The following STAG1 variants were observed in gnomAD, a reference collection of about 807,000 sequenced individuals.
The protein encoded by STAG1 is STAG1 cohesin complex component, also known as cohesin subunit SA-1.
In STAG1, 26 loss-of-function variants were observed where a neutral mutation model predicts 170.9. That is an observed-to-expected ratio of 0.15 (90% CI 0.11 to 0.21). The LOEUF (loss-of-function observed/expected upper bound fraction) is 0.21, where lower values mean the gene tolerates loss of function less well. Ranked by LOEUF, STAG1 falls within the 10% of genes least tolerant of loss-of-function variation. The pLI is 1.00. For synonymous variants in STAG1, 514 were observed against 497.7 expected, an observed-to-expected ratio of 1.03 and a Z score of -0.44; for missense variants, 964 against 1,509.5, an observed-to-expected ratio of 0.64 and a Z score of 5.99.
At chr3:136,433,147 C>T (rs2088359130) in intron 16 of STAG1, among the ~76,000 whole-genome samples, 1 of 151,998 alleles carries the variant, frequency 6.6e-6, no homozygotes, top group Non-Finnish European at 1.5e-5. Flanking sequence ...ATATAAATAC[C>T]TGTATTACTA....
intron 1 of STAG1, among the ~76,000 whole-genome samples, chr3:136,746,968 T>C (rs933042475): frequency 1.3e-5 from 2 of 151,832 alleles, no homozygotes; most frequent in African/African-American, 4.8e-5. Flanking sequence ...TGGTGGCACA[T>C]GCCTGTAATC....
intron 4 of STAG1, among the ~76,000 whole-genome samples, chr3:136,573,815 C>T (rs1026409887): frequency 2.0e-5 from 3 of 151,794 alleles, no homozygotes; most frequent in African/African-American, 4.8e-5. Flanking sequence ...TATTAAAATA[C>T]AAAAAATTAG....
intron 9 of STAG1, chr3:136,500,012 A>G (rs1933384796): frequency 2.3e-6 from 1 of 442,078 alleles, no homozygotes; most frequent in South Asian, 2.5e-5. Flanking sequence ...CCAACAGCAT[A>G]TGTTCTGAAT....
At chr3:136,668,237 A>G (rs1941860013) in intron 1 of STAG1, among the ~76,000 whole-genome samples, 1 of 147,978 alleles carries the variant, frequency 6.8e-6, no homozygotes, top group Non-Finnish European at 1.5e-5. Flanking sequence ...TGTCTCAAAT[A>G]TATATATATA....
At chr3:136,407,567 T>A (rs2087518319) in intron 21 of STAG1, among the ~76,000 whole-genome samples, 1 of 151,612 alleles carries the variant, frequency 6.6e-6, no homozygotes, top group Non-Finnish European at 1.5e-5. Context: ...GTTCAAGTCA[T>A]TCTCATGCCT....
chr3:136,611,685 T>TGG (rs1418995548), intron 3 of STAG1, among the ~76,000 whole-genome samples: 5 of 120,562 alleles, frequency 4.1e-5, no homozygotes, highest in Non-Finnish European at 3.6e-5. Context: ...TTTTTTTTTT[T>TGG]GGTACAGATG....
chr3:136,609,386 T>C (rs1447352356), intron 3 of STAG1: 1 of 148,416 alleles, frequency 6.7e-6, no homozygotes, highest in Non-Finnish European at 1.5e-5. Context: ...TATTTGTATA[T>C]AAATTTGTAT....
chr3:136,421,023 G>C, intron 20 of STAG1, 70 bp downstream of exon 20: 1 of 882,360 alleles, frequency 1.1e-6, no homozygotes, highest in Non-Finnish European at 1.7e-6. Context: ...TGCCCATCTC[G>C]GCCTCTCAAA....
chr3:136,722,660 T>C (rs1221404060), intron 1 of STAG1, among the ~76,000 whole-genome samples: 8 of 110,550 alleles, frequency 7.2e-5, no homozygotes, highest in Admixed American at 1.9e-4. Flanking sequence ...CCCCTCTCCC[T>C]TCTCCCCTCT....
rs1437515134 is a variant in STAG1, at chr3:136,521,481, T to C, written c.472-64A>G. 4.8e-6 allele frequency: 7 copies of C among 1,467,360 alleles called. No individual in the cohort carries two copies. In the East Asian group the frequency reaches 6.9e-5, roughly 14 times the overall value. 90.9% of individuals were successfully genotyped at this position (1,467,360 alleles called of 1,614,324 possible). ...TACAGAGTTTGATGAAAGCTTTTTTTTTCTTCCTACCTACATAGGAACCCT... is the reference window on the plus strand; with the variant it reads ...TACAGAGTTTGATGAAAGCTTTTTTCTTCTTCCTACCTACATAGGAACCCT... On this transcript the variant is annotated intron_variant, in intron 6 of 33. Coordinates refer to ENST00000383202, the MANE Select transcript of STAG1 (RefSeq NM_005862.3).
chr3:136,583,412 A>C (rs971964120), intron 4 of STAG1, among the ~76,000 whole-genome samples: 10 of 152,310 alleles, frequency 6.6e-5, no homozygotes, highest in Admixed American at 1.3e-4. Context: ...GAATTTTTTT[A>C]ATGTTATCAT....
intron 14 of STAG1, among the ~76,000 whole-genome samples, 184 bp downstream of exon 14, chr3:136,451,849 T>C (rs2088951891): frequency 6.6e-6 from 1 of 152,134 alleles, no homozygotes; most frequent in Non-Finnish European, 1.5e-5. Flanking sequence ...GATCCACACC[T>C]ACATATATAT....
intron 22 of STAG1, among the ~76,000 whole-genome samples, chr3:136,393,856 A>G (rs193253307): frequency 1.3e-5 from 2 of 152,290 alleles, no homozygotes; most frequent in Admixed American, 6.5e-5. Flanking sequence ...TTGGCCTCCC[A>G]AAGTGCTAGG....
At chr3:136,339,799 A>C (rs1326706476) in intron 32 of STAG1, among the ~76,000 whole-genome samples, 4 of 152,222 alleles carry the variant, frequency 2.6e-5, no homozygotes, top group Non-Finnish European at 5.9e-5. Flanking sequence ...TGAAGAAATA[A>C]GTTCTTAGTA....
intron 24 of STAG1, among the ~76,000 whole-genome samples, chr3:136,368,276 T>C (rs1204424523): frequency 6.6e-6 from 1 of 152,198 alleles, no homozygotes; most frequent in Non-Finnish European, 1.5e-5. Context: ...AGAGCTTAAA[T>C]AATCTATTTC....
intron 6 of STAG1, among the ~76,000 whole-genome samples, chr3:136,524,939 T>C (rs1559858556): frequency 6.6e-6 from 1 of 152,228 alleles, no homozygotes; most frequent in Non-Finnish European, 1.5e-5. Flanking sequence ...ATCCCAGGGA[T>C]GAAGCCCACT....
At chr3:136,515,273 G>C (rs796783404) in intron 7 of STAG1, among the ~76,000 whole-genome samples, 21 of 152,250 alleles carry the variant, frequency 1.4e-4, no homozygotes, top group African/African-American at 5.1e-4. Flanking sequence ...GCTGAGGCAA[G>C]AGAATCACTT....
chr3:136,405,726 G>C (rs2087461875), intron 21 of STAG1, among the ~76,000 whole-genome samples: 1 of 139,800 alleles, frequency 7.2e-6, no homozygotes, highest in African/African-American at 2.7e-5. Flanking sequence ...TGTGGTGGCA[G>C]GTGTCTGTAA....
At chr3:136,500,350 A>G in intron 8 of STAG1, 54 bp from the exon 9 acceptor site, 1 of 1,220,690 alleles carries the variant, frequency 8.2e-7, no homozygotes, top group Non-Finnish European at 1.2e-6. Context: ...ATTTGGAAGG[A>G]ACAGCTCCAA....
Sources: allele counts gnomAD v4.1 joint callset (sites outside exome capture counted in the v4.1 genomes callset), GRCh38; gene constraint gnomAD v4.1.1; transcripts MANE v1.5; gene names NCBI Gene and HGNC (gene_info 2026-07-23, HGNC 2026-07-21).